TRAF2: variants seen among roughly 807,000 people sequenced by gnomAD.
TRAF2 encodes TNF receptor associated factor 2, also known as TNF receptor-associated factor 2.
Under a neutral mutation model 55.6 loss-of-function variants are expected in TRAF2, and 6 were observed. The ratio of observed to expected loss-of-function variants is 0.11; its 90% confidence interval spans 0.06 to 0.21. TRAF2 has a LOEUF of 0.21. Among genes scored for constraint, TRAF2 ranks in the 10% least tolerant of loss-of-function variants. The probability of loss-of-function intolerance (pLI) is 1.00; values close to 1 mark genes in which losing one functional copy is unlikely to be tolerated. For synonymous variants in TRAF2, 329 were observed against 276.3 expected (o/e 1.19, Z -1.89); for missense variants, 561 against 684.5 (o/e 0.82, Z 2.01).
At chr9:136,915,479 A>G (rs982814059) in intron 6 of TRAF2, among the ~76,000 whole-genome samples, 3 of 152,098 alleles carry the variant, frequency 2.0e-5, no homozygotes, top group African/African-American at 7.2e-5. Context: ...ATGTTCAGGT[A>G]AAAATGCACT....
chr9:136,899,578 C>A lies in TRAF2; in HGVS notation c.189-16C>A. ...GGTTTCACAGTGGGTTGTTTTTTGC[C>A]TTTTTTCCCCACTAGCTCTGGGCCT... On this transcript the variant is annotated splice_polypyrimidine_tract_variant and intron_variant, in intron 2 of 10. Coordinates refer to ENST00000247668, the MANE Select transcript of TRAF2 (RefSeq NM_021138.4). The A allele has an allele frequency of 1.3e-6, 2 of 1,593,856 alleles. No individual in the cohort carries two copies. Among genetic ancestry groups the A allele is most frequent in the South Asian group, 1.1e-5 (1 of 87,970 alleles).
At chr9:136,885,859 C>A (rs17243620), upstream of TRAF2, among the ~76,000 whole-genome samples, 1,774 of 152,364 alleles carry the variant, frequency 0.012, 36 homozygotes, top group African/African-American at 0.041. Flanking sequence ...CAGAGCATTA[C>A]CTCACCCCAA....
intron 4 of TRAF2, among the ~76,000 whole-genome samples, chr9:136,903,758 T>C (rs969403340): frequency 6.6e-6 from 1 of 152,132 alleles, no homozygotes; most frequent in Non-Finnish European, 1.5e-5. Context: ...CTCGGCTCAC[T>C]GCAAGCTCCG....
At chr9:136,909,576 C>T (rs1174757489) in intron 5 of TRAF2, among the ~76,000 whole-genome samples, 2 of 152,178 alleles carry the variant, frequency 1.3e-5, no homozygotes, top group Admixed American at 1.3e-4. Context: ...GCCAGCCCTG[C>T]CCATCCGCCA....
intron 4 of TRAF2, 52 bp downstream of exon 4, chr9:136,900,572 C>T (rs370105126): frequency 1.7e-5 from 24 of 1,444,518 alleles, no homozygotes; most frequent in South Asian, 1.5e-4. Context: ...AGTCGGGAGT[C>T]GTCCACGCTC....
intron 3 of TRAF2, among the ~76,000 whole-genome samples, chr9:136,899,982 A>G (rs1367982073): frequency 6.6e-6 from 1 of 152,220 alleles, no homozygotes; most frequent in Non-Finnish European, 1.5e-5. Flanking sequence ...CCTGGCGCAC[A>G]TGGTGAAACC....
In TRAF2 at chr9:136,899,039, T is replaced by C; in HGVS notation, c.188+111T>C. On this transcript the variant is annotated intron_variant, in intron 2 of 10. Transcript: ENST00000247668. ...AGAGCCGGGTCCAGCTTAGATGTGC[T>C]CCAGTTATCGATACTCCCTGGATTT... The C allele has an allele frequency of 6.5e-6, 7 of 1,070,874 alleles. No individual in the cohort carries two copies. In the South Asian group the frequency reaches 1.1e-4, roughly 17 times the overall value. 66.3% of individuals were successfully genotyped at this position (1,070,874 alleles called of 1,614,324 possible). A position where few individuals can be genotyped will look rare whatever the true frequency, so the allele number is the denominator to read the frequency against.
At chr9:136,889,161 T>A (rs1849521458) in intron 1 of TRAF2, among the ~76,000 whole-genome samples, 1 of 151,780 alleles carries the variant, frequency 6.6e-6, no homozygotes. Context: ...ACTGAGGGGC[T>A]TTTTTACGTT....
At chr9:136,888,898 G>A (rs1222268624) in intron 1 of TRAF2, among the ~76,000 whole-genome samples, 1 of 152,160 alleles carries the variant, frequency 6.6e-6, no homozygotes, top group African/African-American at 2.4e-5. Flanking sequence ...GGGGAGTCTC[G>A]CTCTGTCACC....
chr9:136,902,227 A>G (rs568875858), intron 4 of TRAF2: 5 of 152,268 alleles, frequency 3.3e-5, no homozygotes, highest in African/African-American at 1.2e-4. Flanking sequence ...CTTGAAAGAG[A>G]TGCAGCTTGG....
intron 4 of TRAF2, among the ~76,000 whole-genome samples, chr9:136,901,595 C>A (rs966326767): frequency 6.6e-6 from 1 of 152,142 alleles, no homozygotes; most frequent in African/African-American, 2.4e-5. Flanking sequence ...ATGGAGGAGA[C>A]AGGGGTCATT....
intron 1 of TRAF2, among the ~76,000 whole-genome samples, chr9:136,888,622 G>A (rs1209794932): frequency 6.6e-6 from 1 of 152,238 alleles, no homozygotes; most frequent in African/African-American, 2.4e-5. Flanking sequence ...GACCCCTGCA[G>A]CGGCCAGGTT....
At chr9:136,898,589 C>T (rs1467201088) in intron 1 of TRAF2, 124 bp from the exon 2 acceptor site, 2 of 1,470,488 alleles carry the variant, frequency 1.4e-6, no homozygotes, top group Admixed American at 2.3e-5. Context: ...TTCTCTGAGT[C>T]TTGACCGCAG....
intron 6 of TRAF2, among the ~76,000 whole-genome samples, chr9:136,915,600 ACT>A (rs1043533485): frequency 6.6e-6 from 1 of 151,128 alleles, no homozygotes; most frequent in Admixed American, 6.6e-5. Flanking sequence ...CTGTGCAAAC[ACT>A]CTGCCATCTT....
upstream of TRAF2, among the ~76,000 whole-genome samples, chr9:136,884,208 A>G (rs1047172490): frequency 2.0e-5 from 3 of 150,090 alleles, no homozygotes. Context: ...TAGGCCTCCC[A>G]AAGTGCTGGG....
intron 10 of TRAF2, among the ~76,000 whole-genome samples, chr9:136,925,002 G>C (rs747660606): frequency 1.3e-5 from 2 of 152,248 alleles, no homozygotes; most frequent in East Asian, 1.9e-4. Context: ...CTCCCAAAGT[G>C]CTGGGATTGT....
At chr9:136,899,186 T>C (rs1849757537) in intron 2 of TRAF2, among the ~76,000 whole-genome samples, 1 of 152,266 alleles carries the variant, frequency 6.6e-6, no homozygotes, top group Non-Finnish European at 1.5e-5. Context: ...TTTTATTATT[T>C]TTAATGTGAG....
chr9:136,908,700 A>G (rs1462149448), intron 5 of TRAF2, among the ~76,000 whole-genome samples: 2 of 152,084 alleles, frequency 1.3e-5, no homozygotes, highest in Non-Finnish European at 2.9e-5. Context: ...CCCTGTCTCT[A>G]CTAAAAATAC....
At chr9:136,889,176 C>T (rs1849522005) in intron 1 of TRAF2, among the ~76,000 whole-genome samples, 1 of 149,064 alleles carries the variant, frequency 6.7e-6, no homozygotes, top group East Asian at 2.0e-4. Flanking sequence ...TACGTTAAAA[C>T]TTGTTTGTTT....
Sources: gnomAD v4.1 joint callset for allele counts (sites outside exome capture counted in the v4.1 genomes callset) on GRCh38, gnomAD v4.1.1 for gene constraint, MANE v1.5 for transcripts, NCBI Gene and HGNC (gene_info 2026-07-23, HGNC 2026-07-21) for gene names.